The following TMEM132C variants were observed in gnomAD, a reference collection of about 807,000 sequenced individuals.
The protein encoded by TMEM132C is protein phosphatase 1, regulatory subunit 152.
In TMEM132C, 29 loss-of-function variants were observed where a neutral mutation model predicts 61.4. That is an observed-to-expected ratio of 0.47 (90% CI 0.35 to 0.64). The LOEUF (loss-of-function observed/expected upper bound fraction) is 0.64. TMEM132C is among the 30% of genes least tolerant of loss of function. The pLI, the probability that TMEM132C is intolerant of heterozygous loss-of-function variation, is 0.00. For missense variants in TMEM132C, 1,408 were observed against 1,476.9 expected (o/e 0.95, Z 0.76); for synonymous variants, 656 against 633.1 (o/e 1.04, Z -0.54).
At position 128,296,840 on chromosome 12, in the gene TMEM132C, A is replaced by G. The variant is rs180747800; in HGVS notation, c.85+29353A>G. Among the ~76,000 whole-genome samples, 111 of 152,332 alleles carry G rather than the reference A, an allele frequency of 7.3e-4. 1 individual carries two copies. The highest frequency in any genetic ancestry group is 2.6e-3 in the African/African-American group (107 of 41,578). ...TTAAAACATCAGGGTTTGATATACT[A>G]TAAGTGTTTTCTTCTAACCAGCATT... On this transcript the variant is annotated intron_variant, in intron 1 of 8. Coordinates refer to ENST00000435159, the MANE Select transcript of TMEM132C (RefSeq NM_001136103.3).
At chr12:128,475,098 G>A (rs1871112610) in intron 2 of TMEM132C, among the ~76,000 whole-genome samples, 1 of 152,096 alleles carries the variant, frequency 6.6e-6, no homozygotes, top group South Asian at 2.1e-4. Context: ...GTGGGTGGGG[G>A]CACAGCAGGG....
At chr12:128,528,422 G>A (rs994429166) in intron 2 of TMEM132C, among the ~76,000 whole-genome samples, 11 of 152,216 alleles carry the variant, frequency 7.2e-5, no homozygotes, top group Non-Finnish European at 1.2e-4. Flanking sequence ...TAGGCTCACA[G>A]CGTCATAATC....
At chr12:128,346,502 G>T (rs1464858641) in intron 1 of TMEM132C, among the ~76,000 whole-genome samples, 2 of 152,104 alleles carry the variant, frequency 1.3e-5, no homozygotes, top group African/African-American at 4.8e-5. Context: ...GGGCAGTATG[G>T]CCATTTTAAC....
At chr12:128,358,685 C>T (rs188213899) in intron 1 of TMEM132C, among the ~76,000 whole-genome samples, 1 of 152,210 alleles carries the variant, frequency 6.6e-6, no homozygotes, top group East Asian at 1.9e-4. Context: ...CCTTGGAGAG[C>T]TCCATGTGAT....
At chr12:128,615,461 T>A (rs1425514425) in intron 3 of TMEM132C, among the ~76,000 whole-genome samples, 1 of 152,196 alleles carries the variant, frequency 6.6e-6, no homozygotes, top group African/African-American at 2.4e-5. Flanking sequence ...GAGTTTGTTT[T>A]CCTGCAACTA....
At chr12:128,292,307 G>A (rs912574160) in intron 1 of TMEM132C, among the ~76,000 whole-genome samples, 5 of 152,152 alleles carry the variant, frequency 3.3e-5, no homozygotes, top group Non-Finnish European at 7.4e-5. Context: ...AACAAAGCCG[G>A]CCTCCCTGAG....
At chr12:128,377,268 T>C (rs1226438163) in intron 1 of TMEM132C, among the ~76,000 whole-genome samples, 2 of 152,212 alleles carry the variant, frequency 1.3e-5, no homozygotes, top group Non-Finnish European at 2.9e-5. Flanking sequence ...TTGGTCAGGC[T>C]GGTCTTGAAC....
intron 1 of TMEM132C, among the ~76,000 whole-genome samples, chr12:128,411,811 A>G (rs1441218512): frequency 1.3e-5 from 2 of 152,226 alleles, no homozygotes; most frequent in East Asian, 1.9e-4. Context: ...CTGAATATAT[A>G]TATTATAAAC....
intron 1 of TMEM132C, among the ~76,000 whole-genome samples, chr12:128,414,314 G>C (rs1215737915): frequency 2.6e-5 from 4 of 152,126 alleles, no homozygotes; most frequent in Non-Finnish European, 5.9e-5. Flanking sequence ...ACTTCCATAT[G>C]TTCTTGAGTT....
rs1380340074 is a variant in TMEM132C at position 128,648,387 on chromosome 12, G to A, written c.1306-21030G>A. On this transcript the variant is annotated intron_variant, in intron 4 of 8. Transcript: ENST00000435159. ...ACTGGAGTCCATCAGCGTTGGATGA[G>A]TGTGTTTACTAGATCCCATCAGTGT... Among the ~76,000 whole-genome samples the A allele has an allele frequency of 2.0e-5, 3 of 152,132 alleles. No individual in the cohort carries two copies. In the East Asian group the frequency reaches 5.8e-4, roughly 29 times the overall value.
At chr12:128,613,093 C>T (rs1876687417) in intron 3 of TMEM132C, among the ~76,000 whole-genome samples, 1 of 152,150 alleles carries the variant, frequency 6.6e-6, no homozygotes, top group Non-Finnish European at 1.5e-5. Context: ...TGGTTCTGTG[C>T]CAGTATAGGC....
Position 128,278,092 on chromosome 12 carries a change from C to T in TMEM132C, c.85+10605C>T, listed in dbSNP as rs908863754. On this transcript the variant is annotated intron_variant, in intron 1 of 8. Transcript: ENST00000435159. The surrounding 1 kb of genome is among the most constrained non-coding windows in gnomAD (Gnocchi z 4.2). ...GATCCCTGGGCTGAGTTGCTAAAGC[C>T]TGCCAGTTTCTCATGCCGCAGCTGT... is the stretch of plus-strand genomic sequence containing the variant. Among the ~76,000 whole-genome samples the T allele has an allele frequency of 6.6e-6, 1 of 152,096 alleles. No individual in the cohort carries two copies. The highest frequency in any genetic ancestry group is 2.4e-5 in the African/African-American group (1 of 41,432).
chr12:128,640,825 G>A (rs575878162), intron 4 of TMEM132C, among the ~76,000 whole-genome samples: 240 of 152,252 alleles, frequency 1.6e-3, no homozygotes, highest in African/African-American at 4.8e-3. Flanking sequence ...AGGTTGGGCC[G>A]CAGTGAGCCA....
intron 3 of TMEM132C, among the ~76,000 whole-genome samples, chr12:128,601,488 C>A (rs1053800005): frequency 1.3e-5 from 2 of 152,208 alleles, no homozygotes; most frequent in Admixed American, 1.3e-4. Context: ...AGATGGTGAA[C>A]ACGAAATGCA....
chr12:128,423,587 A>G (rs1478749921), intron 2 of TMEM132C, among the ~76,000 whole-genome samples: 1 of 152,214 alleles, frequency 6.6e-6, no homozygotes, highest in Admixed American at 6.5e-5. Flanking sequence ...AAATTCAGGT[A>G]GAGTTGAAAG....
chr12:128,366,232 T>C (rs1266665953), intron 1 of TMEM132C, among the ~76,000 whole-genome samples: 3 of 152,192 alleles, frequency 2.0e-5, no homozygotes, highest in Non-Finnish European at 4.4e-5. Context: ...ACCTCTATGC[T>C]GTCTGCTTTT....
At chr12:128,553,603 G>A (rs772767993) in intron 3 of TMEM132C, among the ~76,000 whole-genome samples, 7 of 152,126 alleles carry the variant, frequency 4.6e-5, no homozygotes, top group Admixed American at 2.6e-4. Flanking sequence ...CCCCTATCGC[G>A]GGGCACCTGG....
intron 2 of TMEM132C, among the ~76,000 whole-genome samples, chr12:128,466,255 T>C (rs1175335198): frequency 6.6e-6 from 1 of 152,138 alleles, no homozygotes; most frequent in African/African-American, 2.4e-5. Flanking sequence ...GGGATCCAAG[T>C]TGTCCTTGAA....
At chr12:128,655,208 G>A (rs750861866) in intron 4 of TMEM132C, among the ~76,000 whole-genome samples, 14 of 152,172 alleles carry the variant, frequency 9.2e-5, no homozygotes, top group African/African-American at 2.7e-4. Context: ...GCAAGCCGGC[G>A]GTAACAGGGT....
Sources: gnomAD v4.1 joint callset for allele counts (sites outside exome capture counted in the v4.1 genomes callset) on GRCh38, gnomAD v4.1.1 for gene constraint, Gnocchi (gnomAD v3.1) non-coding constraint, MANE v1.5 for transcripts, NCBI Gene and HGNC (gene_info 2026-07-23, HGNC 2026-07-21) for gene names.